Variants in AGTPBP1 observed in about 807,000 individuals in gnomAD.
AGTPBP1 encodes the protein cytosolic carboxypeptidase 1.
Under a neutral mutation model 143.9 loss-of-function variants are expected in AGTPBP1, and 70 were observed. The ratio of observed to expected loss-of-function variants is 0.49; its 90% confidence interval spans 0.40 to 0.59. The LOEUF is 0.59. Among genes scored for constraint, AGTPBP1 ranks in the 20% least tolerant of loss-of-function variants. The probability of loss-of-function intolerance (pLI) is 0.00; values close to 1 mark genes in which losing one functional copy is unlikely to be tolerated. For synonymous variants in AGTPBP1, 463 were observed against 500.2 expected, an observed-to-expected ratio of 0.93 and a Z score of 0.99; for missense variants, 1,229 against 1,464.5, an observed-to-expected ratio of 0.84 and a Z score of 2.62.
the AGTPBP1 span, among the ~76,000 whole-genome samples, chr9:85,774,358 T>A: frequency 3.3e-5 from 5 of 152,004 alleles, no homozygotes; most frequent in African/African-American, 1.2e-4. Flanking sequence ...ACAGTTGAAT[T>A]TTTTTTTATT....
chr9:85,771,760 T>G, the AGTPBP1 span, among the ~76,000 whole-genome samples: 1 of 150,696 alleles, frequency 6.6e-6, no homozygotes, highest in Non-Finnish European at 1.5e-5. Flanking sequence ...CACGCCATTC[T>G]CCTGCCTCAG....
In AGTPBP1 at chr9:85,672,658, T is replaced by C; in HGVS notation, c.460A>G (p.Arg154Gly). Residue 154 changes from arginine (R) to glycine (G), a missense_variant, in exon 7 of 26, where the codon AGA (arginine) becomes GGA (glycine). Transcript: ENST00000357081. ...GTTATATTCAGAGCCCCATTAATTC[T>C]AGCCTTTACTCCAAATTTTTTATCT... ...PKDKKFGVKA[R>G]INGALNITLN... 6.2e-7 allele frequency: 1 copy of C among 1,606,194 alleles called. No homozygotes were observed. The highest frequency in any genetic ancestry group is 8.5e-7 in the Non-Finnish European group (1 of 1,176,812).
chr9:85,786,401 G>A, the AGTPBP1 span: 7 of 1,613,848 alleles, frequency 4.3e-6, no homozygotes, highest in Admixed American at 5.0e-5. Flanking sequence ...CCAAATTCAG[G>A]TTGTGGGAAA....
At chr9:85,570,927 A>G (rs1827420564) in intron 25 of AGTPBP1, among the ~76,000 whole-genome samples, 1 of 152,242 alleles carries the variant, frequency 6.6e-6, no homozygotes, top group African/African-American at 2.4e-5. Context: ...TAAGAAAAAA[A>G]TATTCAAGAT....
At chr9:85,656,660 T>A (rs1308501712) in intron 10 of AGTPBP1, among the ~76,000 whole-genome samples, 9 of 152,016 alleles carry the variant, frequency 5.9e-5, no homozygotes, top group Non-Finnish European at 1.2e-4. Context: ...TGGCTGACAG[T>A]CAGCACAGCA....
intron 9 of AGTPBP1, among the ~76,000 whole-genome samples, chr9:85,658,220 CT>C (rs1265838731): frequency 6.6e-6 from 1 of 151,946 alleles, no homozygotes; most frequent in East Asian, 1.9e-4. Flanking sequence ...ACTTCCGTAA[CT>C]TTTTTAGTAA....
chr9:85,669,005 G>A (rs868305970), intron 8 of AGTPBP1, among the ~76,000 whole-genome samples: 2,808 of 72,574 alleles, frequency 0.039, 38 homozygotes, highest in Middle Eastern at 0.099. Flanking sequence ...GTGTGTGTGT[G>A]TGTATACATA....
At chr9:85,565,498 C>T (rs2132907258) in intron 25 of AGTPBP1, among the ~76,000 whole-genome samples, 1 of 151,982 alleles carries the variant, frequency 6.6e-6, no homozygotes, top group Non-Finnish European at 1.5e-5. Flanking sequence ...CACATTACGA[C>T]CAGGAAATAG....
At chr9:85,743,746 C>T (rs1298230434), upstream of AGTPBP1, among the ~76,000 whole-genome samples, 1 of 152,180 alleles carries the variant, frequency 6.6e-6, no homozygotes, top group Non-Finnish European at 1.5e-5. Flanking sequence ...GGGCCACACC[C>T]TGTTAGCCTT....
chr9:85,666,908 C>T (rs74468348), intron 8 of AGTPBP1, among the ~76,000 whole-genome samples: 1 of 152,212 alleles, frequency 6.6e-6, no homozygotes, highest in East Asian at 1.9e-4. Context: ...CTTATCTAAA[C>T]TGTATTACAT....
intron 1 of AGTPBP1, among the ~76,000 whole-genome samples, chr9:85,720,713 A>G (rs1838049858): frequency 6.6e-6 from 1 of 151,180 alleles, no homozygotes; most frequent in Admixed American, 6.6e-5. Context: ...TAGCTTTTCA[A>G]TTTGTTTGCT....
At chr9:85,787,477 C>T in the AGTPBP1 span, among the ~76,000 whole-genome samples, 18 of 152,066 alleles carry the variant, frequency 1.2e-4, no homozygotes, top group Admixed American at 1.2e-3. Flanking sequence ...TTTCTATAAC[C>T]TCCTTAGTCA....
chr9:85,712,471 T>C, intron 2 of AGTPBP1, 31 bp downstream of exon 2: 1 of 1,258,018 alleles, frequency 7.9e-7, no homozygotes, highest in Non-Finnish European at 1.1e-6. Flanking sequence ...TTTCTGTAAC[T>C]TATGCATACT....
At chr9:85,791,981 C>A in the AGTPBP1 span, among the ~76,000 whole-genome samples, 4 of 152,034 alleles carry the variant, frequency 2.6e-5, no homozygotes, top group African/African-American at 9.7e-5. Flanking sequence ...GTGATTTTAC[C>A]TTTGAAGAAC....
In AGTPBP1 at chr9:85,555,286, T is replaced by C. The variant is rs375050301; in HGVS notation, c.3504-8000A>G. On this transcript the variant is annotated intron_variant, in intron 25 of 25. Coordinates refer to ENST00000357081, the MANE Select transcript of AGTPBP1 (RefSeq NM_001330701.2). ...CCTAAAAGCATCCAGACAAGACTCATTGCCTTCAAAGGAGTAAAAAATAAG... is the reference window on the plus strand; with the variant it reads ...CCTAAAAGCATCCAGACAAGACTCACTGCCTTCAAAGGAGTAAAAAATAAG... Among the ~76,000 whole-genome samples the C allele has an allele frequency of 2.8e-4, 43 of 152,210 alleles. 1 individual carries two copies. The highest frequency in any genetic ancestry group is 9.6e-4 in the African/African-American group (40 of 41,550).
At chr9:85,665,515 ACTAAT>A (rs1163019102) in intron 8 of AGTPBP1, among the ~76,000 whole-genome samples, 3 of 152,132 alleles carry the variant, frequency 2.0e-5, no homozygotes, top group Non-Finnish European at 2.9e-5. Context: ...GCCCTAGAAA[ACTAAT>A]ATAATAACTT....
chr9:85,765,109 A>G, the AGTPBP1 span: 2 of 483,462 alleles, frequency 4.1e-6, no homozygotes, highest in Non-Finnish European at 7.6e-6. Context: ...AGAGACTGAG[A>G]TATCCTTACA....
chr9:85,558,203 A>G (rs187465696), intron 25 of AGTPBP1, among the ~76,000 whole-genome samples: 1 of 152,360 alleles, frequency 6.6e-6, no homozygotes, highest in Admixed American at 6.5e-5. Flanking sequence ...ATGAACCTCA[A>G]AAGCATGCTA....
At chr9:85,552,886 G>A (rs1257739329) in intron 25 of AGTPBP1, among the ~76,000 whole-genome samples, 1 of 152,188 alleles carries the variant, frequency 6.6e-6, no homozygotes, top group East Asian at 1.9e-4. Context: ...AAATGATGCA[G>A]AAACAGAAAA....
Sources: gnomAD v4.1 joint callset for allele counts (sites outside exome capture counted in the v4.1 genomes callset) on GRCh38, gnomAD v4.1.1 for gene constraint, MANE v1.5 for transcripts, NCBI Gene and HGNC (gene_info 2026-07-23, HGNC 2026-07-21) for gene names.